KCNN3: variants seen among roughly 807,000 people sequenced by gnomAD.
KCNN3 encodes small conductance calcium-activated potassium channel protein 3.
Under a neutral mutation model 62.9 loss-of-function variants are expected in KCNN3, and 16 were observed. That is an observed-to-expected ratio of 0.25 (90% CI 0.17 to 0.39). The LOEUF (loss-of-function observed/expected upper bound fraction) is 0.39. Ranked by LOEUF, KCNN3 falls within the 10% of genes least tolerant of loss-of-function variation. The probability of loss-of-function intolerance (pLI) is 1.00; values close to 1 mark genes in which losing one functional copy is unlikely to be tolerated. For synonymous variants in KCNN3, 370 were observed against 389.2 expected, an observed-to-expected ratio of 0.95 and a Z score of 0.58; for missense variants, 599 against 949.4, an observed-to-expected ratio of 0.63 and a Z score of 4.85.
intron 7 of KCNN3, among the ~76,000 whole-genome samples, chr1:154,709,169 C>A (rs1255081244): frequency 6.6e-6 from 1 of 152,186 alleles, no homozygotes; most frequent in African/African-American, 2.4e-5. Context: ...ATCCTGTGGC[C>A]CCCTTGTTGG....
At chr1:154,774,021 G>T (rs1247051883) in intron 2 of KCNN3, among the ~76,000 whole-genome samples, 2 of 152,294 alleles carry the variant, frequency 1.3e-5, no homozygotes, top group East Asian at 3.9e-4. Flanking sequence ...ATGATCCTGG[G>T]CAAATTACCG....
intron 6 of KCNN3, among the ~76,000 whole-genome samples, chr1:154,713,970 A>G (rs1430737687): frequency 0.028 from 1 of 36 alleles, no homozygotes; most frequent in East Asian, 0.5. Flanking sequence ...GGTGTGTGTG[A>G]TGTGTGGTGT....
intron 4 of KCNN3, 108 bp downstream of exon 4, chr1:154,732,895 C>T (rs1700626802): frequency 5.5e-6 from 7 of 1,262,576 alleles, no homozygotes; most frequent in South Asian, 2.4e-5. Flanking sequence ...GGTTAACTAA[C>T]AGCCACCCCC....
chr1:154,831,425 T>G (rs1651373709), intron 1 of KCNN3, among the ~76,000 whole-genome samples: 1 of 152,028 alleles, frequency 6.6e-6, no homozygotes, highest in Non-Finnish European at 1.5e-5. Context: ...CCCAGAGCAA[T>G]TAAATTGGAA....
chr1:154,859,997 G>T (rs1347835143), intron 1 of KCNN3: 1 of 240,880 alleles, frequency 4.2e-6, no homozygotes, highest in Non-Finnish European at 6.7e-6. Context: ...TACAACTCTG[G>T]TTACCCTGTG....
intron 4 of KCNN3, among the ~76,000 whole-genome samples, chr1:154,726,797 C>T (rs1460647144): frequency 1.3e-5 from 2 of 152,160 alleles, no homozygotes; most frequent in African/African-American, 4.8e-5. Flanking sequence ...CGCAGCAGAC[C>T]CTTGGGATTT....
In KCNN3 at chr1:154,706,912, A is replaced by T. The variant is rs1014660279; in HGVS notation, c.*1064T>A. 6.6e-6 allele frequency: 1 copy of T among 152,262 alleles called. No individual in the cohort carries two copies. The highest frequency in any genetic ancestry group is 1.5e-5 in the Non-Finnish European group (1 of 68,044). The allele number at this position is 152,262 out of a possible 1,614,324, so 9.4% of individuals were successfully genotyped here. A position where few individuals can be genotyped will look rare whatever the true frequency, so the allele number is the denominator to read the frequency against. ...TGCTCCTGTTTGTGCATGTCTGCAC[A>T]CACATGCACAATTTCTTGTCCTCTC... On this transcript the variant is annotated 3_prime_UTR_variant, in exon 8 of 8. Transcript: ENST00000271915.
At chr1:154,857,042 G>T (rs1652560905) in intron 1 of KCNN3, among the ~76,000 whole-genome samples, 1 of 152,154 alleles carries the variant, frequency 6.6e-6, no homozygotes, top group African/African-American at 2.4e-5. Flanking sequence ...CATCAGACCT[G>T]TTGTTACTTG....
intron 2 of KCNN3, among the ~76,000 whole-genome samples, chr1:154,807,744 G>C (rs193236357): frequency 3.9e-5 from 6 of 152,148 alleles, no homozygotes; most frequent in African/African-American, 1.4e-4. Flanking sequence ...AAAAAGATCC[G>C]ACAGAGCAAG....
intron 1 of KCNN3, among the ~76,000 whole-genome samples, chr1:154,834,121 C>T (rs994221543): frequency 6.6e-6 from 1 of 152,254 alleles, no homozygotes; most frequent in Non-Finnish European, 1.5e-5. Context: ...ATAGACCAAA[C>T]ATGGCACTTG....
chr1:154,789,965 G>A (rs1649440901), intron 2 of KCNN3, among the ~76,000 whole-genome samples: 2 of 152,180 alleles, frequency 1.3e-5, no homozygotes, highest in Admixed American at 6.5e-5. Context: ...GAGGAGTGCA[G>A]TGGTGCGATC....
intron 2 of KCNN3, among the ~76,000 whole-genome samples, chr1:154,804,115 G>A (rs796162313): frequency 6.6e-6 from 1 of 152,190 alleles, no homozygotes; most frequent in East Asian, 1.9e-4. Flanking sequence ...TTGAAAGGAG[G>A]GTAGGGCTAG....
In KCNN3 at chr1:154,701,807, G is replaced by A. The variant is rs940593352; in HGVS notation, c.*6169C>T. On this transcript the variant is annotated 3_prime_UTR_variant, in exon 8 of 8. Coordinates refer to ENST00000271915, the MANE Select transcript of KCNN3 (RefSeq NM_002249.6). ...TGTTGGGCCTTGTGTAGTTTGGAAA[G>A]CCGACCCCGGTTTCACGTACATGGA... 1.7e-4 allele frequency: 26 copies of A among 152,182 alleles called. No homozygotes were observed. Among genetic ancestry groups the A allele is most frequent in the African/African-American group, 6.0e-4 (25 of 41,434 alleles). The allele number at this position is 152,182 out of a possible 1,614,324, so 9.4% of individuals were successfully genotyped here. A position where few individuals can be genotyped will look rare whatever the true frequency, so the allele number is the denominator to read the frequency against.
intron 3 of KCNN3, among the ~76,000 whole-genome samples, chr1:154,740,730 T>A (rs957371290): frequency 2.0e-5 from 3 of 152,276 alleles, no homozygotes; most frequent in Non-Finnish European, 4.4e-5. Context: ...TACGTTTCCA[T>A]GATAAAAGCT....
At chr1:154,837,389 C>T (rs770436881) in intron 1 of KCNN3, among the ~76,000 whole-genome samples, 6 of 152,110 alleles carry the variant, frequency 3.9e-5, no homozygotes, top group South Asian at 2.1e-4. Context: ...GTAATCCACC[C>T]GCCTCGGCCT....
At chr1:154,867,958 T>G (rs1426580211) in intron 1 of KCNN3, 5 of 984,830 alleles carry the variant, frequency 5.1e-6, no homozygotes, top group Non-Finnish European at 6.0e-6. Context: ...CCTTCCTCCA[T>G]CTCCACTCCC....
intron 3 of KCNN3, among the ~76,000 whole-genome samples, chr1:154,761,825 A>G (rs1648029553): frequency 6.6e-6 from 1 of 152,020 alleles, no homozygotes; most frequent in Non-Finnish European, 1.5e-5. Flanking sequence ...CTGTAATTTC[A>G]GCTACTCGGG....
chr1:154,755,637 AAAG>A (rs1402739882), intron 3 of KCNN3, among the ~76,000 whole-genome samples: 5 of 128,834 alleles, frequency 3.9e-5, no homozygotes, highest in African/African-American at 1.3e-4. Context: ...GAAAGAAAGA[AAAG>A]AAAGAAAGAA....
rs1472835579 is a variant in KCNN3 at position 154,704,457 on chromosome 1, G to A, written c.*3519C>T. ...TAAGGAGGAGTGAGCCCCTAGTCTG[G>A]TGTAATTTACCAACTAATGCTATGT... On this transcript the variant is annotated 3_prime_UTR_variant, in exon 8 of 8. Transcript: ENST00000271915. 6.6e-6 allele frequency: 1 copy of A among 152,148 alleles called. No individual in the cohort carries two copies. The highest frequency in any genetic ancestry group is 1.5e-5 in the Non-Finnish European group (1 of 68,038). 9.4% of individuals were successfully genotyped at this position (152,148 alleles called of 1,614,324 possible). A position where few individuals can be genotyped will look rare whatever the true frequency, so the allele number is the denominator to read the frequency against.
Sources: allele counts gnomAD v4.1 joint callset (sites outside exome capture counted in the v4.1 genomes callset), GRCh38; gene constraint gnomAD v4.1.1; transcripts MANE v1.5; gene names NCBI Gene and HGNC (gene_info 2026-07-23, HGNC 2026-07-21).